Variants in ANKDD1A observed in about 807,000 individuals in gnomAD.
ANKDD1A encodes the protein ankyrin repeat and death domain-containing protein 1A.
ANKDD1A carries 59 observed loss-of-function variants against 63.5 expected under a neutral mutation model. The observed-to-expected ratio is 0.93, with a 90% confidence interval of 0.75 to 1.15. The LOEUF is 1.15. Among genes scored for constraint, ANKDD1A ranks in the 50% most tolerant of loss-of-function variants. The probability of loss-of-function intolerance (pLI) is 0.00; values close to 1 mark genes in which losing one functional copy is unlikely to be tolerated. For missense variants in ANKDD1A, 632 were observed against 656.4 expected, an observed-to-expected ratio of 0.96 and a Z score of 0.41; for synonymous variants, 266 against 263.9, an observed-to-expected ratio of 1.01 and a Z score of -0.08.
intron 14 of ANKDD1A, among the ~76,000 whole-genome samples, chr15:64,952,368 C>G (rs1279291701): frequency 5.1e-5 from 5 of 98,332 alleles, no homozygotes; most frequent in African/African-American, 8.1e-5. Flanking sequence ...CTTCTTCTTT[C>G]TTCTTCCTCT....
At chr15:64,914,657 G>A (rs758366929) in intron 1 of ANKDD1A, among the ~76,000 whole-genome samples, 45 of 152,208 alleles carry the variant, frequency 3.0e-4, no homozygotes, top group South Asian at 6.2e-4. Context: ...GCTGTGGGTG[G>A]ATCAGGAAGG....
rs183181955 is a variant in ANKDD1A at position 64,911,914 on chromosome 15, G to A, written c.-17G>A. Reference sequence around the variant, plus strand: ...GCGCCCGGGCACCAGCGCGCGCAGGGGCTGCGGAGCGGCAGGATGCAGGAG... The same window carrying A: ...GCGCCCGGGCACCAGCGCGCGCAGGAGCTGCGGAGCGGCAGGATGCAGGAG... On this transcript the variant is annotated 5_prime_UTR_variant, in exon 1 of 15. Coordinates refer to ENST00000319580, the MANE Select transcript of ANKDD1A (RefSeq NM_182703.6). The A allele has an allele frequency of 1.8e-5, 22 of 1,251,586 alleles. No homozygotes were observed. In the East Asian group the frequency reaches 5.4e-4, roughly 30 times the overall value. The allele number at this position is 1,251,586 out of a possible 1,614,324, so 77.5% of individuals were successfully genotyped here.
chr15:64,952,992 T>C (rs2085327950), intron 14 of ANKDD1A, among the ~76,000 whole-genome samples: 1 of 11,634 alleles, frequency 8.6e-5, no homozygotes, highest in Middle Eastern at 0.05. Flanking sequence ...CTCCTTCTTC[T>C]CCTTCTTAGT....
At chr15:64,927,789 G>A (rs2085058490) in intron 6 of ANKDD1A, among the ~76,000 whole-genome samples, 1 of 151,960 alleles carries the variant, frequency 6.6e-6, no homozygotes, top group Non-Finnish European at 1.5e-5. Context: ...TGTATTTTTA[G>A]TAGAGATGGG....
At chr15:64,953,592 CTCCTTTT>C (rs2085348575) in intron 14 of ANKDD1A, among the ~76,000 whole-genome samples, 1 of 95,316 alleles carries the variant, frequency 1.0e-5, no homozygotes. Flanking sequence ...CTTCTTCCTT[CTCCTTTT>C]CTTCTTTCTT....
Position 64,953,814 on chromosome 15 carries a change from TTCC to T in ANKDD1A, c.1484-3287_1484-3285del, listed in dbSNP as rs777111956. Among the ~76,000 whole-genome samples, 464 of 132,604 alleles carry T rather than the reference TTCC, an allele frequency of 3.5e-3. 1 individual carries two copies. Among genetic ancestry groups the T allele is most frequent in the Non-Finnish European group, 5.8e-3 (363 of 62,300 alleles). The allele number at this position is 132,604 out of a possible 152,430, so 87.0% of individuals were successfully genotyped here. On this transcript the variant is annotated intron_variant, in intron 14 of 14. Coordinates refer to ENST00000319580, the MANE Select transcript of ANKDD1A (RefSeq NM_182703.6). ...TGCTTTCTTCTTCCTTTTTTTCTTCTTCCTTATTCTTTTCTTCTTTCCTCTTCT... is the reference window on the plus strand; with the variant it reads ...TGCTTTCTTCTTCCTTTTTTTCTTCTTTATTCTTTTCTTCTTTCCTCTTCT...
At chr15:64,953,659 T>TC (rs1595860424) in intron 14 of ANKDD1A, among the ~76,000 whole-genome samples, 276 of 3,730 alleles carry the variant, frequency 0.074, 3 homozygotes, top group East Asian at 0.35. Context: ...TCTCCTTCTT[T>TC]TCTTTCTTCT....
At chr15:64,921,809 T>A in intron 3 of ANKDD1A, 112 bp from the exon 4 acceptor site, 1 of 854,730 alleles carries the variant, frequency 1.2e-6, no homozygotes. Flanking sequence ...CTGGATTAAG[T>A]GGCACTTATA....
chr15:64,933,145 C>A (rs946583501), intron 8 of ANKDD1A, among the ~76,000 whole-genome samples: 1 of 152,068 alleles, frequency 6.6e-6, no homozygotes, highest in Admixed American at 6.6e-5. Flanking sequence ...GCCAAGCCCA[C>A]GGTGACTGCA....
chr15:64,943,562 G>A lies in ANKDD1A; in HGVS notation c.1045G>A (p.Asp349Asn), dbSNP rs756753497. ...IADMLLIAGVDLNLRDKQGKT... is the reference protein window; with the variant it reads ...IADMLLIAGVNLNLRDKQGKT... ...AGATATGCTCCTCATTGCTGGGGTTGACTTAAACCTGAGAGATAAGGTACC... is the reference window on the plus strand; with the variant it reads ...AGATATGCTCCTCATTGCTGGGGTTAACTTAAACCTGAGAGATAAGGTACC... The change falls in exon 11 of 15, where the codon GAC (aspartate) becomes AAC (asparagine). Residue 349 changes from aspartate to asparagine, a missense_variant. By Grantham distance (23) the Asp-to-Asn change is conservative. Transcript: ENST00000319580. The A allele has an allele frequency of 1.3e-5, 21 of 1,614,060 alleles. No individual in the cohort carries two copies. The highest frequency in any genetic ancestry group is 1.7e-5 in the Non-Finnish European group (20 of 1,180,030).
intron 1 of ANKDD1A, among the ~76,000 whole-genome samples, chr15:64,913,142 A>T (rs2084945175): frequency 6.6e-6 from 1 of 152,202 alleles, no homozygotes; most frequent in African/African-American, 2.4e-5. Context: ...TTGCCAATAC[A>T]AACCAGGCCA....
intron 8 of ANKDD1A, among the ~76,000 whole-genome samples, chr15:64,933,480 T>C (rs1162860365): frequency 6.6e-6 from 1 of 152,170 alleles, no homozygotes; most frequent in East Asian, 1.9e-4. Context: ...CAAGACCAGC[T>C]TGTGCTGGGC....
At chr15:64,955,036 C>CTTTCT (rs77022607) in intron 14 of ANKDD1A, among the ~76,000 whole-genome samples, 1 of 60,846 alleles carries the variant, frequency 1.6e-5, no homozygotes, top group Admixed American at 1.5e-4. Flanking sequence ...TCCTCTTCTT[C>CTTTCT]TTCTTTCTTT....
intron 14 of ANKDD1A, among the ~76,000 whole-genome samples, chr15:64,953,893 TTTTC>T (rs751097545): frequency 2.0e-5 from 1 of 50,864 alleles, no homozygotes; most frequent in Non-Finnish European, 5.1e-5. Context: ...CTTCTTCCTC[TTTTC>T]TTTCTTCCCT....
At chr15:64,923,910 G>T (rs2085026731) in intron 4 of ANKDD1A, among the ~76,000 whole-genome samples, 1 of 152,220 alleles carries the variant, frequency 6.6e-6, no homozygotes, top group African/African-American at 2.4e-5. Flanking sequence ...GGTGTATATG[G>T]AGGGTGAGGT....
chr15:64,926,874 G>A (rs1567111389), intron 5 of ANKDD1A, 27 bp from the exon 6 acceptor site: 2 of 1,613,132 alleles, frequency 1.2e-6, no homozygotes, highest in East Asian at 2.2e-5. Flanking sequence ...AGTGAGGAAG[G>A]CTCACACCGC....
In ANKDD1A at chr15:64,953,837, TCTTC is replaced by T. The variant is rs1291420005; in HGVS notation, c.1484-3265_1484-3262del. On this transcript the variant is annotated intron_variant, in intron 14 of 14. Coordinates refer to ENST00000319580, the MANE Select transcript of ANKDD1A (RefSeq NM_182703.6). ...TCTTCCTTATTCTTTTCTTCTTTCC[TCTTC>T]TTTTCTTCTTTCCTCTTCTTCCTCT... is the stretch of plus-strand genomic sequence containing the variant. Among the ~76,000 whole-genome samples the T allele has an allele frequency of 8.9e-3, 109 of 12,210 alleles. No homozygotes were observed. The East Asian group carries it at 0.12, about 13-fold the overall frequency. 8.0% of individuals were successfully genotyped at this position (12,210 alleles called of 152,430 possible). A position where few individuals can be genotyped will look rare whatever the true frequency, so the allele number is the denominator to read the frequency against.
At chr15:64,946,299 G>T (rs1176145369) in intron 12 of ANKDD1A, among the ~76,000 whole-genome samples, 2 of 151,906 alleles carry the variant, frequency 1.3e-5, no homozygotes, top group Non-Finnish European at 2.9e-5. Flanking sequence ...ATTCCAATGT[G>T]GTTTACAAAC....
At chr15:64,938,587 G>A (rs528013054) in intron 9 of ANKDD1A, among the ~76,000 whole-genome samples, 2 of 152,330 alleles carry the variant, frequency 1.3e-5, no homozygotes, top group African/African-American at 2.4e-5. Flanking sequence ...GCCAAGAGGA[G>A]CATAGGGAGA....
Sources: allele counts gnomAD v4.1 joint callset (sites outside exome capture counted in the v4.1 genomes callset), GRCh38; gene constraint gnomAD v4.1.1; transcripts MANE v1.5; gene names NCBI Gene and HGNC (gene_info 2026-07-23, HGNC 2026-07-21).